Variants in UHMK1 observed in about 807,000 individuals in gnomAD.
UHMK1 encodes the protein U2AF homology motif kinase 1.
In UHMK1, 18 loss-of-function variants were observed where a neutral mutation model predicts 44.0. That is an observed-to-expected ratio of 0.41 (90% confidence interval 0.28 to 0.61). The LOEUF (loss-of-function observed/expected upper bound fraction) is 0.61. Ranked by LOEUF, UHMK1 falls within the 20% of genes least tolerant of loss-of-function variation. The pLI, the probability that UHMK1 is intolerant of heterozygous loss-of-function variation, is 0.31. For synonymous variants in UHMK1, 231 were observed against 198.5 expected (o/e 1.16, Z -1.38); for missense variants, 463 against 522.5 (o/e 0.89, Z 1.11).
chr1:162,524,869 A>C lies in UHMK1; in HGVS notation c.*2319A>C, dbSNP rs1265285983. 6.6e-6 allele frequency: 1 copy of C among 152,102 alleles called. No homozygotes were observed. The highest frequency in any genetic ancestry group is 1.5e-5 in the Non-Finnish European group (1 of 68,016). The allele number at this position is 152,102 out of a possible 1,614,324, so 9.4% of individuals were successfully genotyped here. On this transcript the variant is annotated 3_prime_UTR_variant, in exon 8 of 8. Coordinates refer to ENST00000489294, the MANE Select transcript of UHMK1 (RefSeq NM_175866.5). ...GGAATAATTGATGAGCCTTGAATTAACCATGCATTTAATTAGATTTTTTGT... is the reference window on the plus strand; with the variant it reads ...GGAATAATTGATGAGCCTTGAATTACCCATGCATTTAATTAGATTTTTTGT...
chr1:162,510,858 A>G (rs1571011898), intron 4 of UHMK1, among the ~76,000 whole-genome samples: 1 of 151,958 alleles, frequency 6.6e-6, no homozygotes, highest in Non-Finnish European at 1.5e-5. Context: ...GTTCTTTTTT[A>G]AAAATTTTTT....
At chr1:162,505,401 TTAAAG>T (rs1175515352) in intron 4 of UHMK1, among the ~76,000 whole-genome samples, 1 of 141,524 alleles carries the variant, frequency 7.1e-6, no homozygotes, top group Non-Finnish European at 1.5e-5. Context: ...GCGATGTACT[TTAAAG>T]TAGGAATAAA....
rs1194609701 is a variant in UHMK1, at chr1:162,497,969, A to C, written c.-32A>C. 3.4e-6 allele frequency: 5 copies of C among 1,464,748 alleles called. No individual in the cohort carries two copies. Among genetic ancestry groups the C allele is most frequent in the Admixed American group, 2.5e-5 (1 of 39,802 alleles). The allele number at this position is 1,464,748 out of a possible 1,614,324, so 90.7% of individuals were successfully genotyped here. A position where few individuals can be genotyped will look rare whatever the true frequency, so the allele number is the denominator to read the frequency against. ...GCCGGCCTGCCTCAGGCGTCGCGTC[A>C]GCTCCCGTGTCCGTGCCCTTAACCC... On this transcript the variant is annotated 5_prime_UTR_variant, in exon 1 of 8. Coordinates refer to ENST00000489294, the MANE Select transcript of UHMK1 (RefSeq NM_175866.5).
intron 4 of UHMK1, among the ~76,000 whole-genome samples, chr1:162,505,878 C>G (rs12074777): frequency 6.6e-6 from 1 of 152,190 alleles, no homozygotes. Flanking sequence ...ACTCACAGGA[C>G]TTTGCAAAAA....
chr1:162,520,912 G>A (rs982855247), intron 7 of UHMK1, among the ~76,000 whole-genome samples: 13 of 152,172 alleles, frequency 8.5e-5, no homozygotes, highest in South Asian at 2.1e-4. Flanking sequence ...AGAGAGACAG[G>A]AGAAGTCTTT....
intron 3 of UHMK1, among the ~76,000 whole-genome samples, chr1:162,502,187 T>C (rs1306687826): frequency 6.6e-6 from 1 of 152,244 alleles, no homozygotes; most frequent in East Asian, 1.9e-4. Flanking sequence ...AATTTATAAA[T>C]GCATAAAAAG....
At chr1:162,513,058 C>A in intron 6 of UHMK1, 1 of 380,716 alleles carries the variant, frequency 2.6e-6, no homozygotes, top group Admixed American at 4.0e-5. Flanking sequence ...GTTCAAGCCT[C>A]AGCCCCCCAA....
At chr1:162,503,930 A>G in intron 4 of UHMK1, 82 bp downstream of exon 4, 2 of 1,023,482 alleles carry the variant, frequency 2.0e-6, no homozygotes, top group East Asian at 5.3e-5. Context: ...GAACAGATTT[A>G]TATTATTATT....
In UHMK1 at chr1:162,509,860, G is replaced by T. The variant is rs1241537960; in HGVS notation, c.849-2640G>T. On this transcript the variant is annotated intron_variant, in intron 4 of 7. Coordinates refer to ENST00000489294, the MANE Select transcript of UHMK1 (RefSeq NM_175866.5). ...GGATTTCACCATGTTGGCCAGGCTG[G>T]TCTCAAACTCCTGACCTGAAGTGGT... is the stretch of plus-strand genomic sequence containing the variant. Among the ~76,000 whole-genome samples the T allele has an allele frequency of 2.0e-5, 3 of 151,882 alleles. No individual in the cohort carries two copies. In the South Asian group the frequency reaches 6.2e-4, roughly 32 times the overall value.
At chr1:162,517,612 C>T (rs532693854) in intron 6 of UHMK1, among the ~76,000 whole-genome samples, 9 of 152,156 alleles carry the variant, frequency 5.9e-5, no homozygotes, top group African/African-American at 9.6e-5. Context: ...ATTGGCCAGG[C>T]GCAGTGGCTC....
chr1:162,513,572 A>G (rs182668447), intron 6 of UHMK1, among the ~76,000 whole-genome samples: 15 of 152,284 alleles, frequency 9.9e-5, no homozygotes, highest in Admixed American at 2.6e-4. Context: ...ACTTAACCCA[A>G]TCTTAGTAAC....
rs1652259012 is a variant in UHMK1, at chr1:162,526,551, C to G, written c.*4001C>G. The G allele has an allele frequency of 6.6e-6, 1 of 152,090 alleles. No individual in the cohort carries two copies. The highest frequency in any genetic ancestry group is 1.5e-5 in the Non-Finnish European group (1 of 67,998). 9.4% of individuals were successfully genotyped at this position (152,090 alleles called of 1,614,324 possible). On this transcript the variant is annotated 3_prime_UTR_variant, in exon 8 of 8. Transcript: ENST00000489294. ...ATATTAAAACTCATTTGGGTGAAAGCTTCCCAGATGATGATAATTAATAGC... is the reference window on the plus strand; with the variant it reads ...ATATTAAAACTCATTTGGGTGAAAGGTTCCCAGATGATGATAATTAATAGC...
At chr1:162,516,172 G>A (rs530799233) in intron 6 of UHMK1, among the ~76,000 whole-genome samples, 2 of 152,136 alleles carry the variant, frequency 1.3e-5, no homozygotes, top group Middle Eastern at 3.4e-3. Context: ...TTGTTTAAAT[G>A]TTGCTATTGA....
Position 162,500,895 on chromosome 1 carries a change from T to C in UHMK1, c.562-18T>C, listed in dbSNP as rs1311516380. 1 of 1,605,128 alleles carries C rather than the reference T, an allele frequency of 6.2e-7. No homozygotes were observed. The highest frequency in any genetic ancestry group is 1.7e-5 in the Admixed American group (1 of 58,926). ...AGCAGCTTTTTTATTGGTTGTAATA[T>C]TTACTCATCTTTTTTAGGATGTAAA... On this transcript the variant is annotated intron_variant, in intron 2 of 7. Coordinates refer to ENST00000489294, the MANE Select transcript of UHMK1 (RefSeq NM_175866.5).
rs1652261208 is a variant in UHMK1, at chr1:162,526,643, T to G, written c.*4093T>G. The G allele has an allele frequency of 1.3e-5, 2 of 152,128 alleles. No homozygotes were observed. The allele number at this position is 152,128 out of a possible 1,614,324, so 9.4% of individuals were successfully genotyped here. ...ATATGATAGTATAAAAGTCCAAAAT[T>G]TTCTGGGTTTACCTTTGTTTTATTT... On this transcript the variant is annotated 3_prime_UTR_variant, in exon 8 of 8. Coordinates refer to ENST00000489294, the MANE Select transcript of UHMK1 (RefSeq NM_175866.5).
intron 6 of UHMK1, among the ~76,000 whole-genome samples, chr1:162,515,328 A>G (rs1651797348): frequency 6.6e-6 from 1 of 152,220 alleles, no homozygotes; most frequent in Non-Finnish European, 1.5e-5. Context: ...AAGCTAGTAA[A>G]TATTTTTAAA....
At chr1:162,519,090 G>T (rs537218354) in intron 7 of UHMK1, among the ~76,000 whole-genome samples, 2 of 151,636 alleles carry the variant, frequency 1.3e-5, no homozygotes, top group African/African-American at 4.8e-5. Context: ...GCCGAGGCGT[G>T]TGGATCACCT....
At chr1:162,509,241 GCTCTT>G (rs1651582582) in intron 4 of UHMK1, among the ~76,000 whole-genome samples, 3 of 151,886 alleles carry the variant, frequency 2.0e-5, no homozygotes, top group Non-Finnish European at 2.9e-5. Context: ...AGATCTCCTG[GCTCTT>G]CTCTTCTGCT....
At position 162,522,555 on chromosome 1, in the gene UHMK1, T is replaced by G. The variant is rs1557948095; in HGVS notation, c.*5T>G. ...CTGTATCAAACCTTGCTTTAATCAGTAACCTAAGGACTGTTTCCTTTTTCT... is the reference window on the plus strand; with the variant it reads ...CTGTATCAAACCTTGCTTTAATCAGGAACCTAAGGACTGTTTCCTTTTTCT... On this transcript the variant is annotated 3_prime_UTR_variant, in exon 8 of 8. Transcript: ENST00000489294. 1.2e-6 allele frequency: 2 copies of G among 1,613,582 alleles called. No homozygotes were observed. Among genetic ancestry groups the G allele is most frequent in the South Asian group, 2.2e-5 (2 of 90,912 alleles).
Sources: allele counts gnomAD v4.1 joint callset (sites outside exome capture counted in the v4.1 genomes callset), GRCh38; gene constraint gnomAD v4.1.1; transcripts MANE v1.5; gene names NCBI Gene and HGNC (gene_info 2026-07-23, HGNC 2026-07-21).